The following SSBP2 variants were observed in gnomAD, a reference collection of about 807,000 sequenced individuals.
The protein encoded by SSBP2 is single stranded DNA binding protein 2.
SSBP2 carries 17 observed loss-of-function variants against 61.8 expected under a neutral mutation model. The observed-to-expected ratio is 0.28, with a 90% CI of 0.19 to 0.41. The LOEUF is 0.41. Ranked by LOEUF, SSBP2 falls within the 10% of genes least tolerant of loss-of-function variation. SSBP2 has a pLI of 1.00. For synonymous variants in SSBP2, 139 were observed against 141.3 expected (o/e 0.98, Z 0.12); for missense variants, 310 against 458.7 (o/e 0.68, Z 2.96).
chr5:81,670,520 C>T (rs1751510737), intron 1 of SSBP2, among the ~76,000 whole-genome samples: 1 of 152,052 alleles, frequency 6.6e-6, no homozygotes, highest in Non-Finnish European at 1.5e-5. Flanking sequence ...TTTACTGTAA[C>T]AATAAGTTAT....
intron 4 of SSBP2, among the ~76,000 whole-genome samples, chr5:81,554,304 G>A (rs960274482): frequency 6.6e-6 from 1 of 151,770 alleles, no homozygotes; most frequent in East Asian, 1.9e-4. Flanking sequence ...TAATTAACAT[G>A]AAATTTCTTG....
intron 4 of SSBP2, among the ~76,000 whole-genome samples, chr5:81,594,679 T>G (rs1485003776): frequency 4.6e-5 from 7 of 152,142 alleles, no homozygotes. Flanking sequence ...GAACTCAGGA[T>G]TAAGAAACTC....
intron 4 of SSBP2, among the ~76,000 whole-genome samples, chr5:81,562,238 C>T (rs985414376): frequency 1.3e-5 from 2 of 152,078 alleles, no homozygotes; most frequent in East Asian, 1.9e-4. Flanking sequence ...ACAATAATGA[C>T]TAAGCAGTGT....
At chr5:81,651,203 C>G (rs1298257997) in intron 1 of SSBP2, among the ~76,000 whole-genome samples, 1 of 152,014 alleles carries the variant, frequency 6.6e-6, no homozygotes, top group Non-Finnish European at 1.5e-5. Flanking sequence ...TCAGTTTCTG[C>G]TACACTATAT....
chr5:81,724,186 T>TTACTGAAA (rs1207289520), intron 1 of SSBP2, among the ~76,000 whole-genome samples: 1 of 152,084 alleles, frequency 6.6e-6, no homozygotes, highest in Non-Finnish European at 1.5e-5. Context: ...GCAAAAAATC[T>TTACTGAAA]TACTGAAATT....
At chr5:81,747,389 A>C (rs1352730024) in intron 1 of SSBP2, among the ~76,000 whole-genome samples, 1 of 152,090 alleles carries the variant, frequency 6.6e-6, no homozygotes, top group African/African-American at 2.4e-5. Flanking sequence ...CTTAGTTTTC[A>C]TATTTCTTTA....
chr5:81,454,550 C>A (rs1481372820), intron 10 of SSBP2, among the ~76,000 whole-genome samples: 2 of 151,844 alleles, frequency 1.3e-5, no homozygotes, highest in East Asian at 3.9e-4. Flanking sequence ...GCATGGTGGT[C>A]AGTGCCTGTA....
chr5:81,436,949 G>A (rs1762710857), intron 15 of SSBP2, among the ~76,000 whole-genome samples: 1 of 151,932 alleles, frequency 6.6e-6, no homozygotes, highest in Admixed American at 6.6e-5. Context: ...TCTATTTTGG[G>A]GACTAGAATA....
At chr5:81,645,936 T>C (rs909770826) in intron 2 of SSBP2, among the ~76,000 whole-genome samples, 4 of 152,206 alleles carry the variant, frequency 2.6e-5, no homozygotes, top group African/African-American at 9.6e-5. Context: ...TGTTAGTCCA[T>C]TTTTTCTTTT....
At chr5:81,580,371 T>C (rs1774551355) in intron 4 of SSBP2, among the ~76,000 whole-genome samples, 1 of 152,074 alleles carries the variant, frequency 6.6e-6, no homozygotes, top group Admixed American at 6.6e-5. Context: ...GGTTATATCC[T>C]TGACAGTGGA....
chr5:81,711,888 G>C (rs115058225), intron 1 of SSBP2, among the ~76,000 whole-genome samples: 2 of 151,826 alleles, frequency 1.3e-5, no homozygotes, highest in Non-Finnish European at 2.9e-5. Flanking sequence ...TTCCTCACCT[G>C]TAAAGGGAGG....
intron 3 of SSBP2, among the ~76,000 whole-genome samples, chr5:81,622,226 A>G (rs540484786): frequency 2.4e-4 from 37 of 152,274 alleles, no homozygotes; most frequent in African/African-American, 8.7e-4. Context: ...GCTCCTTACA[A>G]AACATACAGC....
chr5:81,744,227 T>C (rs1270234477), intron 1 of SSBP2, among the ~76,000 whole-genome samples: 1 of 152,190 alleles, frequency 6.6e-6, no homozygotes, highest in African/African-American at 2.4e-5. Flanking sequence ...ATTTTGTTAT[T>C]TTACAAAAAA....
intron 5 of SSBP2, among the ~76,000 whole-genome samples, chr5:81,512,192 A>T (rs1322967727): frequency 6.6e-6 from 1 of 152,230 alleles, no homozygotes; most frequent in Non-Finnish European, 1.5e-5. Context: ...TTCATGAATA[A>T]CAATCAACTA....
chr5:81,552,065 G>A (rs1042917648), intron 4 of SSBP2, among the ~76,000 whole-genome samples: 2 of 152,182 alleles, frequency 1.3e-5, no homozygotes, highest in African/African-American at 4.8e-5. Context: ...CTTGACATTA[G>A]GAAAATATTG....
At chr5:81,542,448 A>G (rs1233871062) in intron 4 of SSBP2, among the ~76,000 whole-genome samples, 1 of 152,166 alleles carries the variant, frequency 6.6e-6, no homozygotes, top group Non-Finnish European at 1.5e-5. Context: ...TCAAAAAGAC[A>G]CATACACTCA....
chr5:81,650,484 T>C (rs1197150743), intron 1 of SSBP2, 145 bp from the exon 2 acceptor site: 2 of 471,480 alleles, frequency 4.2e-6, no homozygotes, highest in South Asian at 5.5e-5. Flanking sequence ...ATAGGAATTA[T>C]TAATAATACA....
chr5:81,471,446 G>A (rs2154020503), intron 8 of SSBP2, among the ~76,000 whole-genome samples: 1 of 151,872 alleles, frequency 6.6e-6, no homozygotes, highest in South Asian at 2.1e-4. Context: ...TAAATTACAA[G>A]CACAAAGTTT....
At position 81,428,621 on chromosome 5, in the gene SSBP2, C is replaced by T. The variant is rs754427857; in HGVS notation, c.1020G>A (p.Met340Ile). Residue 340 changes from methionine (M) to isoleucine (I), a missense_variant, in exon 16 of 17, where the codon ATG becomes ATA. Physicochemically the swap from Met to Ile is conservative, Grantham distance 10 (BLOSUM62 1). This residue lies in a region of SSBP2 where 44 missense variants were observed against 86.2 expected (regional missense o/e 0.51). Coordinates refer to ENST00000320672, the MANE Select transcript of SSBP2 (RefSeq NM_012446.5). Reference sequence around the variant, plus strand: ...GAAAAGGATTTAAGAAATTTCCCCCCATTTCGCCATCATCCCTTGGAGTGC... The same window carrying T: ...GAAAAGGATTTAAGAAATTTCCCCCTATTTCGCCATCATCCCTTGGAGTGC... The T allele has an allele frequency of 5.6e-5, 91 of 1,613,240 alleles. No individual in the cohort carries two copies. Among genetic ancestry groups the T allele is most frequent in the Non-Finnish European group, 7.1e-5 (84 of 1,179,480 alleles).
Sources: allele counts gnomAD v4.1 joint callset (sites outside exome capture counted in the v4.1 genomes callset), GRCh38; gene constraint gnomAD v4.1.1; regional missense constraint gnomAD v4.1.1; transcripts MANE v1.5; gene names NCBI Gene and HGNC (gene_info 2026-07-23, HGNC 2026-07-21).